Variants in BBS9 observed in about 807,000 individuals in gnomAD.
The protein encoded by BBS9 is Bardet-Biedl syndrome 9.
Under a neutral mutation model 117.7 loss-of-function variants are expected in BBS9, and 89 were observed. The observed-to-expected ratio is 0.76, with a 90% CI of 0.64 to 0.90. The LOEUF is 0.90. BBS9 is among the 40% of genes least tolerant of loss of function. The pLI is 0.00. For missense variants in BBS9, 982 were observed against 1,042.2 expected, an observed-to-expected ratio of 0.94 and a Z score of 0.80; for synonymous variants, 379 against 370.9, an observed-to-expected ratio of 1.02 and a Z score of -0.25.
intron 9 of BBS9, among the ~76,000 whole-genome samples, chr7:33,284,599 G>A (rs925969389): frequency 4.6e-5 from 7 of 152,158 alleles, no homozygotes; most frequent in Admixed American, 4.6e-4. Flanking sequence ...GGTTTCCTAT[G>A]TTATATCTTT....
At chr7:33,134,759 G>A (rs1790201377) in intron 1 of BBS9, among the ~76,000 whole-genome samples, 1 of 152,058 alleles carries the variant, frequency 6.6e-6, no homozygotes, top group South Asian at 2.1e-4. Flanking sequence ...ACCATGCCCA[G>A]CTTATTTTTT....
At chr7:33,202,732 C>G (rs971578380) in intron 5 of BBS9, among the ~76,000 whole-genome samples, 7 of 152,110 alleles carry the variant, frequency 4.6e-5, no homozygotes, top group Non-Finnish European at 1.0e-4. Flanking sequence ...AGGTCTGCCC[C>G]CATGATCCAG....
At chr7:33,624,155 A>C (rs1376449658) in intron 21 of BBS9, among the ~76,000 whole-genome samples, 1 of 152,174 alleles carries the variant, frequency 6.6e-6, no homozygotes, top group Non-Finnish European at 1.5e-5. Context: ...ATCTTGGCCA[A>C]AAGAGCTTTT....
At chr7:33,250,709 A>C (rs1796087603) in intron 5 of BBS9, among the ~76,000 whole-genome samples, 1 of 152,226 alleles carries the variant, frequency 6.6e-6, no homozygotes, top group Admixed American at 6.5e-5. Context: ...CATACTTTGT[A>C]TGCAGAGTGA....
At chr7:33,163,747 G>T (rs929554744) in intron 4 of BBS9, among the ~76,000 whole-genome samples, 2 of 152,060 alleles carry the variant, frequency 1.3e-5, no homozygotes, top group African/African-American at 4.8e-5. Context: ...CTTGCTAGAG[G>T]TCTATCAATT....
In BBS9 at chr7:33,336,461, TC is replaced by T. The variant is rs1815372459; in HGVS notation, c.1038del (p.Thr347LeufsTer2). ...GCLHDLKGVI[V>X]TLSDDGHLQC... ...TGTAGTGATTTAAAGGGAGTGATAGTCACTCTGAGTGATGATGGTCACTTGC... is the reference window on the plus strand; with the variant it reads ...TGTAGTGATTTAAAGGGAGTGATAGTACTCTGAGTGATGATGGTCACTTGC... On this transcript the variant is annotated frameshift_variant, in exon 10 of 23. Coordinates refer to ENST00000242067, the MANE Select transcript of BBS9 (RefSeq NM_198428.3). LOFTEE classifies it high-confidence loss of function. The T allele has an allele frequency of 6.2e-7, 1 of 1,613,660 alleles. No homozygotes were observed. Among genetic ancestry groups the T allele is most frequent in the Non-Finnish European group, 8.5e-7 (1 of 1,179,764 alleles).
At chr7:33,491,583 G>A (rs1300841563) in intron 19 of BBS9, among the ~76,000 whole-genome samples, 1 of 152,150 alleles carries the variant, frequency 6.6e-6, no homozygotes, top group African/African-American at 2.4e-5. Flanking sequence ...TGTGTGTTAG[G>A]CCCTATGCTC....
At chr7:33,351,428 A>C in intron 14 of BBS9, 105 bp downstream of exon 14, 1 of 826,032 alleles carries the variant, frequency 1.2e-6, no homozygotes, top group Non-Finnish European at 2.1e-6. Context: ...TTAAATGAGA[A>C]AATGTTATTT....
intron 19 of BBS9, among the ~76,000 whole-genome samples, chr7:33,435,141 G>A (rs950725718): frequency 2.6e-5 from 4 of 152,174 alleles, no homozygotes; most frequent in Admixed American, 6.5e-5. Flanking sequence ...GAGAAGGTCA[G>A]TTGATTGGTG....
intron 19 of BBS9, among the ~76,000 whole-genome samples, chr7:33,426,865 G>A (rs896033477): frequency 3.3e-5 from 5 of 152,082 alleles, no homozygotes; most frequent in African/African-American, 1.2e-4. Flanking sequence ...CAGTGCCTTT[G>A]TTCTGTACTA....
chr7:33,368,295 G>C (rs373618343), intron 17 of BBS9, among the ~76,000 whole-genome samples: 9 of 152,188 alleles, frequency 5.9e-5, no homozygotes, highest in East Asian at 3.9e-4. Flanking sequence ...TTGGACATTG[G>C]CAAAGATGAC....
At chr7:33,529,962 G>T (rs1281359923) in intron 20 of BBS9, among the ~76,000 whole-genome samples, 1 of 152,114 alleles carries the variant, frequency 6.6e-6, no homozygotes, top group African/African-American at 2.4e-5. Context: ...ATGAATAAAG[G>T]TAATGAGCTC....
chr7:33,141,950 T>C (rs78254745), intron 1 of BBS9, among the ~76,000 whole-genome samples: 1 of 152,074 alleles, frequency 6.6e-6, no homozygotes, highest in Non-Finnish European at 1.5e-5. Context: ...TTTTTTTTTT[T>C]CTCGAGATGG....
intron 21 of BBS9, among the ~76,000 whole-genome samples, chr7:33,624,991 A>G (rs116567412): frequency 0.024 from 3,714 of 152,254 alleles, 72 homozygotes; most frequent in South Asian, 0.11. Flanking sequence ...CAGTACTCTC[A>G]GTAGATGTGT....
At chr7:33,294,283 TATCTATC>T (rs1294549660) in intron 9 of BBS9, among the ~76,000 whole-genome samples, 49 of 150,768 alleles carry the variant, frequency 3.3e-4, no homozygotes, top group Non-Finnish European at 6.5e-4. Flanking sequence ...TACTTCCATC[TATCTATC>T]ATCTATCTAT....
At chr7:33,479,357 C>A (rs1842215693) in intron 19 of BBS9, among the ~76,000 whole-genome samples, 1 of 152,008 alleles carries the variant, frequency 6.6e-6, no homozygotes, top group African/African-American at 2.4e-5. Context: ...GTTTTCTGTT[C>A]TAATTTCTAA....
intron 5 of BBS9, among the ~76,000 whole-genome samples, chr7:33,212,624 T>C (rs1788229027): frequency 6.6e-6 from 1 of 152,130 alleles, no homozygotes. Flanking sequence ...TTTGTCAGTG[T>C]CTGGGCATTG....
intron 19 of BBS9, among the ~76,000 whole-genome samples, chr7:33,417,194 T>A (rs1832151306): frequency 6.6e-6 from 1 of 152,236 alleles, no homozygotes; most frequent in Non-Finnish European, 1.5e-5. Context: ...TCTATTTTTC[T>A]AGTTTTTTAT....
intron 9 of BBS9, among the ~76,000 whole-genome samples, chr7:33,323,833 C>CTTTTTTTTTTTTTT (rs1227126451): frequency 9.5e-6 from 1 of 105,166 alleles, no homozygotes; most frequent in Admixed American, 1.0e-4. Context: ...TCCTGTCTTC[C>CTTTTTTTTTTTTTT]TTTTTTTTTT....
Sources: allele counts gnomAD v4.1 joint callset (sites outside exome capture counted in the v4.1 genomes callset), GRCh38; gene constraint gnomAD v4.1.1; transcripts MANE v1.5; gene names NCBI Gene and HGNC (gene_info 2026-07-23, HGNC 2026-07-21).